Variants in CRADD observed in about 807,000 individuals in gnomAD.
The protein encoded by CRADD is CARD and death domain containing adaptor protein.
CRADD carries 9 observed loss-of-function variants against 15.5 expected under a neutral mutation model. That is an observed-to-expected ratio of 0.58 (90% CI 0.35 to 1.01). The LOEUF (loss-of-function observed/expected upper bound fraction) is 1.01. Ranked by LOEUF, CRADD falls within the 50% of genes least tolerant of loss-of-function variation. CRADD has a pLI of 0.02. For missense variants in CRADD, 227 were observed against 250.3 expected (o/e 0.91, Z 0.63); for synonymous variants, 118 against 107.6 (o/e 1.10, Z -0.60).
chr12:93,854,278 A>G (rs1241529468), downstream of CRADD, among the ~76,000 whole-genome samples: 3 of 152,124 alleles, frequency 2.0e-5, no homozygotes, highest in Non-Finnish European at 4.4e-5. Context: ...GTGTCTGGAA[A>G]GTAGTAGGCT....
chr12:93,863,643 T>A (rs1046980021), intron 2 of CRADD, among the ~76,000 whole-genome samples: 1 of 149,330 alleles, frequency 6.7e-6, no homozygotes, highest in Non-Finnish European at 1.5e-5. Flanking sequence ...TGTGTGTGTG[T>A]GAAGCTGTCA....
intron 2 of CRADD, among the ~76,000 whole-genome samples, chr12:93,855,841 C>T (rs7962201): frequency 0.011 from 1,606 of 151,982 alleles, 28 homozygotes; most frequent in African/African-American, 0.037. Flanking sequence ...TTTTTTGAGA[C>T]GGAGTCTTGC....
intron 2 of CRADD, among the ~76,000 whole-genome samples, chr12:93,873,904 G>A (rs549842857): frequency 4.6e-5 from 7 of 151,864 alleles, no homozygotes; most frequent in African/African-American, 9.6e-5. Context: ...TTGTGTGTGC[G>A]TGTGTGTCTG....
chr12:93,789,727 T>C (rs1957327588), intron 2 of CRADD, among the ~76,000 whole-genome samples: 1 of 151,964 alleles, frequency 6.6e-6, no homozygotes, highest in Admixed American at 6.5e-5. Flanking sequence ...TTGCATGCTT[T>C]AAATATGTGC....
At chr12:93,855,868 A>G (rs1268967914) in intron 2 of CRADD, among the ~76,000 whole-genome samples, 1 of 152,016 alleles carries the variant, frequency 6.6e-6, no homozygotes, top group East Asian at 1.9e-4. Context: ...GCCAGGCTGG[A>G]GTGCTGTGGC....
chr12:93,722,786 C>T (rs1956287909), intron 2 of CRADD, among the ~76,000 whole-genome samples: 1 of 152,168 alleles, frequency 6.6e-6, no homozygotes, highest in Non-Finnish European at 1.5e-5. Flanking sequence ...AATTCCCTAT[C>T]TGATAATTCC....
intron 2 of CRADD, among the ~76,000 whole-genome samples, chr12:93,729,080 C>T (rs953690784): frequency 6.6e-6 from 1 of 152,094 alleles, no homozygotes; most frequent in Non-Finnish European, 1.5e-5. Context: ...AATACGGACA[C>T]TAAATGGGAT....
rs71071759 is a variant in CRADD at position 93,703,978 on chromosome 12, C to CTTTTTTTTTT, written c.298+24919_298+24928dup. 2.0e-4 allele frequency among the ~76,000 whole-genome samples: 18 copies of CTTTTTTTTTT among 90,278 alleles called. 1 individual carries two copies. The highest frequency in any genetic ancestry group is 1.4e-3 in the East Asian group (4 of 2,792). 59.2% of individuals were successfully genotyped at this position (90,278 alleles called of 152,430 possible). On this transcript the variant is annotated intron_variant, in intron 2 of 2. Coordinates refer to ENST00000332896, the MANE Select transcript of CRADD (RefSeq NM_003805.5). ...TACCGTCAAATTATTTGGAGCCTTT[C>CTTTTTTTTTT]TTTTTTTTTTTTTTTTTTTTTTGTA...
chr12:93,881,584 C>T (rs193293934), intron 2 of CRADD, among the ~76,000 whole-genome samples: 9 of 152,224 alleles, frequency 5.9e-5, no homozygotes, highest in Admixed American at 3.3e-4. Flanking sequence ...TCCCTCACTC[C>T]ACATATGCAG....
chr12:93,795,725 C>G (rs7953679), intron 2 of CRADD, among the ~76,000 whole-genome samples: 15,621 of 152,162 alleles, frequency 0.1, 955 homozygotes, highest in Admixed American at 0.2. Context: ...GGAAAACAAC[C>G]CATATATTTC....
chr12:93,890,419 A>G (rs1344466778), intron 2 of CRADD, among the ~76,000 whole-genome samples: 1 of 152,250 alleles, frequency 6.6e-6, no homozygotes, highest in East Asian at 1.9e-4. Flanking sequence ...TGGGATTTTT[A>G]TAAGAATCTC....
At chr12:93,812,405 C>CA (rs1195240251) in intron 2 of CRADD, among the ~76,000 whole-genome samples, 2 of 150,452 alleles carry the variant, frequency 1.3e-5, no homozygotes, top group African/African-American at 2.4e-5. Flanking sequence ...TAGTGGACTT[C>CA]AAAAAAAATT....
chr12:93,854,470 G>A (rs1172934049), downstream of CRADD, among the ~76,000 whole-genome samples: 1 of 152,202 alleles, frequency 6.6e-6, no homozygotes, highest in Non-Finnish European at 1.5e-5. Context: ...TCTGGCCAAA[G>A]CCAGTCATGT....
At chr12:93,875,749 A>G (rs1034395052) in intron 2 of CRADD, among the ~76,000 whole-genome samples, 1 of 152,086 alleles carries the variant, frequency 6.6e-6, no homozygotes, top group Non-Finnish European at 1.5e-5. Context: ...TTCTATTTAT[A>G]TCTTATTGTA....
intron 2 of CRADD, among the ~76,000 whole-genome samples, chr12:93,810,136 A>G (rs375944076): frequency 6.6e-6 from 1 of 152,168 alleles, no homozygotes; most frequent in East Asian, 1.9e-4. Flanking sequence ...GACTGTACCA[A>G]ATTGTACTTT....
intron 2 of CRADD, among the ~76,000 whole-genome samples, chr12:93,874,299 T>A (rs893468513): frequency 6.6e-6 from 1 of 152,082 alleles, no homozygotes; most frequent in Non-Finnish European, 1.5e-5. Flanking sequence ...GTCTCCTTTT[T>A]CAATTCTGAT....
chr12:93,882,846 C>T (rs1363969546), intron 2 of CRADD, among the ~76,000 whole-genome samples: 2 of 152,164 alleles, frequency 1.3e-5, no homozygotes, highest in Admixed American at 6.5e-5. Flanking sequence ...AGTTAGGAGC[C>T]ACTAAAGATG....
At chr12:93,804,615 A>G (rs1329909761) in intron 2 of CRADD, among the ~76,000 whole-genome samples, 1 of 152,082 alleles carries the variant, frequency 6.6e-6, no homozygotes, top group Non-Finnish European at 1.5e-5. Flanking sequence ...TTGGCTAGTG[A>G]CACCATTAAG....
At chr12:93,871,367 T>C (rs1285696182) in intron 2 of CRADD, among the ~76,000 whole-genome samples, 1 of 152,200 alleles carries the variant, frequency 6.6e-6, no homozygotes, top group Non-Finnish European at 1.5e-5. Flanking sequence ...AGGTAGGTAA[T>C]GGGGTATTCA....
Sources: allele counts gnomAD v4.1 joint callset (sites outside exome capture counted in the v4.1 genomes callset), GRCh38; gene constraint gnomAD v4.1.1; transcripts MANE v1.5; gene names NCBI Gene and HGNC (gene_info 2026-07-23, HGNC 2026-07-21).